The following ARHGAP15 variants were observed in gnomAD, a reference collection of about 807,000 sequenced individuals.
ARHGAP15 encodes Rho GTPase activating protein 15.
ARHGAP15 carries 51 observed loss-of-function variants against 63.7 expected under a neutral mutation model. The observed-to-expected ratio is 0.80, with a 90% CI of 0.64 to 1.01. ARHGAP15 has a LOEUF of 1.01. Among genes scored for constraint, ARHGAP15 ranks in the 50% least tolerant of loss-of-function variants. ARHGAP15 has a pLI of 0.00. For synonymous variants in ARHGAP15, 191 were observed against 193.8 expected, an observed-to-expected ratio of 0.99 and a Z score of 0.12; for missense variants, 560 against 564.6, an observed-to-expected ratio of 0.99 and a Z score of 0.08.
intron 10 of ARHGAP15, among the ~76,000 whole-genome samples, chr2:143,532,163 T>C (rs1694548472): frequency 6.6e-6 from 1 of 152,204 alleles, no homozygotes; most frequent in African/African-American, 2.4e-5. Flanking sequence ...ATTGCTTTTC[T>C]AGTGAGAAAA....
intron 12 of ARHGAP15, among the ~76,000 whole-genome samples, chr2:143,674,532 T>G (rs1006037863): frequency 6.6e-6 from 1 of 152,112 alleles, no homozygotes; most frequent in Non-Finnish European, 1.5e-5. Context: ...GTCCTGTAAC[T>G]CGACTACTGT....
At chr2:143,330,351 C>A (rs1684492401) in intron 6 of ARHGAP15, among the ~76,000 whole-genome samples, 1 of 151,642 alleles carries the variant, frequency 6.6e-6, no homozygotes, top group Non-Finnish European at 1.5e-5. Flanking sequence ...CTAACATTTT[C>A]CCATCAAATT....
At chr2:143,342,545 G>A (rs1574304951) in intron 6 of ARHGAP15, among the ~76,000 whole-genome samples, 1 of 152,034 alleles carries the variant, frequency 6.6e-6, no homozygotes, top group Non-Finnish European at 1.5e-5. Flanking sequence ...TATTGTATAA[G>A]TAATTGCATT....
At chr2:143,274,622 C>T (rs751142694) in intron 6 of ARHGAP15, among the ~76,000 whole-genome samples, 5 of 152,174 alleles carry the variant, frequency 3.3e-5, no homozygotes, top group Non-Finnish European at 5.9e-5. Flanking sequence ...AGTTAGACTT[C>T]CACAGCACAA....
chr2:143,323,520 G>C (rs1684114198), intron 6 of ARHGAP15, among the ~76,000 whole-genome samples: 1 of 152,136 alleles, frequency 6.6e-6, no homozygotes, highest in African/African-American at 2.4e-5. Context: ...AAAGTGTGAG[G>C]AAATTTACTT....
chr2:143,278,140 C>T (rs1170389748), intron 6 of ARHGAP15, among the ~76,000 whole-genome samples: 1 of 152,130 alleles, frequency 6.6e-6, no homozygotes, highest in African/African-American at 2.4e-5. Context: ...TCAGTGACAT[C>T]ATTGACAACA....
chr2:143,683,742 GC>G (rs1163019263), intron 12 of ARHGAP15, among the ~76,000 whole-genome samples: 1 of 152,062 alleles, frequency 6.6e-6, no homozygotes, highest in East Asian at 1.9e-4. Context: ...TCTTTGAAAT[GC>G]AAAATATATC....
intron 1 of ARHGAP15, among the ~76,000 whole-genome samples, chr2:143,153,235 A>C (rs925350115): frequency 5.3e-5 from 8 of 151,974 alleles, no homozygotes; most frequent in Non-Finnish European, 2.9e-5. Flanking sequence ...GAGTGATTTC[A>C]TCCACCAATA....
intron 11 of ARHGAP15, among the ~76,000 whole-genome samples, chr2:143,563,015 T>C (rs561356865): frequency 6.6e-6 from 1 of 152,316 alleles, no homozygotes; most frequent in Admixed American, 6.5e-5. Flanking sequence ...AATAATGAAC[T>C]GACCTAATGC....
In ARHGAP15 at chr2:143,377,202, A is replaced by ATACT. The variant is rs200538717; in HGVS notation, c.475-58395_475-58392dup. Among the ~76,000 whole-genome samples, 1,477 of 152,132 alleles carry ATACT rather than the reference A, an allele frequency of 9.7e-3. 24 individuals are homozygous for ATACT. The highest frequency in any genetic ancestry group is 0.033 in the African/African-American group (1,391 of 41,536). ...AAATACTTTAAAAAAAATCCAGCCA[A>ATACT]TACTTACCAAATGAAGTTATATACT... On this transcript the variant is annotated intron_variant, in intron 6 of 13. Transcript: ENST00000295095.
At chr2:143,752,611 G>A (rs546714390) in intron 13 of ARHGAP15, among the ~76,000 whole-genome samples, 3 of 152,206 alleles carry the variant, frequency 2.0e-5, no homozygotes, top group South Asian at 2.1e-4. Flanking sequence ...TAATAATCAT[G>A]GGTTCAGTTC....
intron 6 of ARHGAP15, among the ~76,000 whole-genome samples, chr2:143,261,959 G>C (rs1680745225): frequency 6.6e-6 from 1 of 152,144 alleles, no homozygotes; most frequent in South Asian, 2.1e-4. Flanking sequence ...TTGGTTTCTG[G>C]TTGCCTCTGG....
At chr2:143,443,759 C>A (rs185006490) in intron 8 of ARHGAP15, among the ~76,000 whole-genome samples, 1 of 152,180 alleles carries the variant, frequency 6.6e-6, no homozygotes, top group Non-Finnish European at 1.5e-5. Flanking sequence ...GTCAAGCATC[C>A]ACATTAATTT....
chr2:143,554,212 T>A (rs763599224), intron 10 of ARHGAP15, among the ~76,000 whole-genome samples: 2 of 152,192 alleles, frequency 1.3e-5, no homozygotes, highest in African/African-American at 2.4e-5. Context: ...ATGTTTCTAT[T>A]TTCTAAAATA....
intron 11 of ARHGAP15, chr2:143,607,586 A>G (rs1698089416): frequency 6.6e-6 from 1 of 151,810 alleles, no homozygotes; most frequent in African/African-American, 2.4e-5. Flanking sequence ...AGAGAGAGAG[A>G]TCTTTCATTT....
At chr2:143,159,026 C>T (rs1378741957) in intron 2 of ARHGAP15, among the ~76,000 whole-genome samples, 1 of 151,890 alleles carries the variant, frequency 6.6e-6, no homozygotes, top group African/African-American at 2.4e-5. Flanking sequence ...AGAGTAGTTT[C>T]GGCATTTAAT....
intron 6 of ARHGAP15, among the ~76,000 whole-genome samples, chr2:143,321,101 A>G (rs1217596544): frequency 1.3e-5 from 2 of 151,764 alleles, no homozygotes; most frequent in Non-Finnish European, 2.9e-5. Flanking sequence ...GCCCACTACC[A>G]TTTTCCTGGT....
At chr2:143,443,738 C>T (rs963321545) in intron 8 of ARHGAP15, among the ~76,000 whole-genome samples, 9 of 152,058 alleles carry the variant, frequency 5.9e-5, no homozygotes, top group African/African-American at 2.2e-4. Context: ...AAAAATTAGA[C>T]ACATTTGATA....
At chr2:143,150,810 T>C (rs906392553) in intron 1 of ARHGAP15, among the ~76,000 whole-genome samples, 6 of 151,962 alleles carry the variant, frequency 3.9e-5, no homozygotes, top group African/African-American at 1.4e-4. Context: ...ATAATGATGA[T>C]GACATGAGTG....
Sources: gnomAD v4.1 joint callset for allele counts (sites outside exome capture counted in the v4.1 genomes callset) on GRCh38, gnomAD v4.1.1 for gene constraint, MANE v1.5 for transcripts, NCBI Gene and HGNC (gene_info 2026-07-23, HGNC 2026-07-21) for gene names.